SAMD12: variants seen among roughly 807,000 people sequenced by gnomAD.
The protein encoded by SAMD12 is sterile alpha motif domain-containing protein 12.
SAMD12 carries 9 observed loss-of-function variants against 15.0 expected under a neutral mutation model. That is an observed-to-expected ratio of 0.60 (90% CI 0.36 to 1.05). The LOEUF is 1.05. Ranked by LOEUF, SAMD12 falls within the 50% of genes least tolerant of loss-of-function variation. The pLI is 0.01. For missense variants in SAMD12, 230 were observed against 234.2 expected (o/e 0.98, Z 0.12); for synonymous variants, 86 against 90.1 (o/e 0.96, Z 0.25).
At chr8:118,530,300 C>T (rs185606452) in intron 2 of SAMD12, among the ~76,000 whole-genome samples, 56 of 152,240 alleles carry the variant, frequency 3.7e-4, no homozygotes, top group Admixed American at 3.2e-3. Context: ...GTTTGGTGTA[C>T]AGATAATTTT....
chr8:118,496,151 G>C (rs1023994315), intron 2 of SAMD12, among the ~76,000 whole-genome samples: 7 of 152,142 alleles, frequency 4.6e-5, no homozygotes, highest in Admixed American at 1.3e-4. Flanking sequence ...GCAATTTATG[G>C]ATTCAATGAT....
intron 1 of SAMD12, among the ~76,000 whole-genome samples, chr8:118,604,178 A>G (rs1160298259): frequency 6.6e-6 from 1 of 152,174 alleles, no homozygotes; most frequent in Non-Finnish European, 1.5e-5. Flanking sequence ...CTGTTTCCTT[A>G]TATACAAAAT....
At chr8:118,159,115 A>G in the SAMD12 span, among the ~76,000 whole-genome samples, 129 of 152,134 alleles carry the variant, frequency 8.5e-4, 1 homozygote, top group African/African-American at 2.8e-3. Context: ...GAAGGACAGA[A>G]GAGAGAAGAG....
At chr8:118,308,327 G>A (rs753859366) in intron 4 of SAMD12, among the ~76,000 whole-genome samples, 10 of 152,126 alleles carry the variant, frequency 6.6e-5, no homozygotes, top group Non-Finnish European at 1.5e-4. Flanking sequence ...TGATGACGAT[G>A]GCAATGATAC....
chr8:118,197,848 G>T, intron 4 of SAMD12: 2 of 888,318 alleles, frequency 2.3e-6, no homozygotes, highest in Non-Finnish European at 3.8e-6. Flanking sequence ...CAAAGAGAAA[G>T]CTCTAGTCAG....
intron 3 of SAMD12, among the ~76,000 whole-genome samples, chr8:118,423,144 T>C (rs1480082325): frequency 6.6e-6 from 1 of 152,180 alleles, no homozygotes; most frequent in Non-Finnish European, 1.5e-5. Context: ...TGATGTCACA[T>C]GTCACGTCTC....
At chr8:118,479,095 C>A (rs751088607) in intron 2 of SAMD12, among the ~76,000 whole-genome samples, 4 of 152,062 alleles carry the variant, frequency 2.6e-5, no homozygotes, top group Non-Finnish European at 4.4e-5. Context: ...CAAGTCCTTA[C>A]AGCAAACTAC....
At chr8:118,163,993 C>T in the SAMD12 span, among the ~76,000 whole-genome samples, 2 of 152,168 alleles carry the variant, frequency 1.3e-5, no homozygotes, top group African/African-American at 2.4e-5. Flanking sequence ...TCGGTAGGAA[C>T]GAGGTTTCTC....
At chr8:118,474,493 A>G (rs898739076) in intron 2 of SAMD12, among the ~76,000 whole-genome samples, 4 of 151,034 alleles carry the variant, frequency 2.6e-5, no homozygotes, top group African/African-American at 9.7e-5. Flanking sequence ...GGATTCTCCT[A>G]CCTCAGCCTC....
intron 3 of SAMD12, chr8:118,400,606 AC>A (rs1820823286): frequency 6.6e-6 from 1 of 152,220 alleles, no homozygotes; most frequent in Non-Finnish European, 1.5e-5. Context: ...TTGTCCTCTG[AC>A]CCTTGCAGAA....
intron 4 of SAMD12, among the ~76,000 whole-genome samples, chr8:118,267,377 A>G (rs1379390817): frequency 6.6e-6 from 1 of 152,172 alleles, no homozygotes; most frequent in Non-Finnish European, 1.5e-5. Context: ...CTAAAGAAAT[A>G]AAACCAAGAG....
intron 2 of SAMD12, among the ~76,000 whole-genome samples, chr8:118,543,640 T>C (rs957194924): frequency 7.0e-6 from 1 of 141,942 alleles, no homozygotes; most frequent in Non-Finnish European, 1.5e-5. Flanking sequence ...TCTTTTTTTT[T>C]TTTTTTTTAG....
intron 4 of SAMD12, among the ~76,000 whole-genome samples, chr8:118,319,787 A>G (rs1816136350): frequency 6.6e-6 from 1 of 152,200 alleles, no homozygotes; most frequent in Admixed American, 6.5e-5. Flanking sequence ...AGATAGATGC[A>G]GGAGAAAAGC....
At chr8:118,140,816 C>T in the SAMD12 span, among the ~76,000 whole-genome samples, 1 of 152,280 alleles carries the variant, frequency 6.6e-6, no homozygotes, top group African/African-American at 2.4e-5. Context: ...GAGCTTTCTC[C>T]ATCTTTCTTT....
At chr8:118,321,295 G>GTTTTTTTTTTTTTT (rs1380612836) in intron 4 of SAMD12, among the ~76,000 whole-genome samples, 1 of 87,150 alleles carries the variant, frequency 1.1e-5, no homozygotes, top group Non-Finnish European at 2.0e-5. Flanking sequence ...TTTTTTTTTT[G>GTTTTTTTTTTTTTT]TTTTTTTTTT....
intron 4 of SAMD12, among the ~76,000 whole-genome samples, chr8:118,273,575 T>TG (rs1451512355): frequency 1.3e-5 from 2 of 152,010 alleles, no homozygotes; most frequent in African/African-American, 2.4e-5. Flanking sequence ...GCTTAAGAGA[T>TG]GGGGGAAGGT....
At chr8:118,384,857 G>C (rs1320639891) in intron 3 of SAMD12, among the ~76,000 whole-genome samples, 1 of 152,114 alleles carries the variant, frequency 6.6e-6, no homozygotes, top group Admixed American at 6.5e-5. Context: ...GCATATCCTG[G>C]CAGAACTTAG....
At chr8:118,150,349 G>T in the SAMD12 span, among the ~76,000 whole-genome samples, 2 of 151,970 alleles carry the variant, frequency 1.3e-5, no homozygotes, top group Admixed American at 6.6e-5. Context: ...TCTTCTACAT[G>T]TTATAAATAT....
downstream of SAMD12, among the ~76,000 whole-genome samples, chr8:118,374,945 T>A (rs1819305954): frequency 6.6e-6 from 1 of 152,148 alleles, no homozygotes; most frequent in Non-Finnish European, 1.5e-5. Flanking sequence ...CTCTGTTGTT[T>A]CCTTTGATGT....
Sources: allele counts gnomAD v4.1 joint callset (sites outside exome capture counted in the v4.1 genomes callset), GRCh38; gene constraint gnomAD v4.1.1; transcripts MANE v1.5; gene names NCBI Gene and HGNC (gene_info 2026-07-23, HGNC 2026-07-21).